Variants in CORO2B observed in about 807,000 individuals in gnomAD.
The protein encoded by CORO2B is coronin-2B.
A neutral mutation model predicts 58.8 loss-of-function variants in CORO2B; 26 were observed. The ratio of observed to expected loss-of-function variants is 0.44; its 90% CI spans 0.32 to 0.61. CORO2B has a LOEUF of 0.61. Ranked by LOEUF, CORO2B falls within the 20% of genes least tolerant of loss-of-function variation. The pLI, the probability that CORO2B is intolerant of heterozygous loss-of-function variation, is 0.04. For missense variants in CORO2B, 460 were observed against 645.1 expected, an observed-to-expected ratio of 0.71 and a Z score of 3.11; for synonymous variants, 242 against 253.8, an observed-to-expected ratio of 0.95 and a Z score of 0.44.
intron 1 of CORO2B, among the ~76,000 whole-genome samples, chr15:68,588,879 T>C (rs1899633721): frequency 6.6e-6 from 1 of 152,150 alleles, no homozygotes. Flanking sequence ...ATGCCTGCCC[T>C]GCTGACCTCC....
the CORO2B span, among the ~76,000 whole-genome samples, chr15:68,549,189 A>G: frequency 6.6e-6 from 1 of 152,206 alleles, no homozygotes; most frequent in Non-Finnish European, 1.5e-5. Context: ...ACCACTGTTC[A>G]TGTATTGGTA....
chr15:68,690,646 C>CTTTTT (rs765999578), intron 2 of CORO2B, among the ~76,000 whole-genome samples: 20 of 102,848 alleles, frequency 1.9e-4, no homozygotes, highest in Non-Finnish European at 2.6e-4. Context: ...CGTTAGCTTT[C>CTTTTT]TTTTTTTTTT....
the CORO2B span, among the ~76,000 whole-genome samples, chr15:68,545,613 G>GGT: frequency 3.4e-4 from 1 of 2,970 alleles, no homozygotes; most frequent in Non-Finnish European, 1.5e-3. Context: ...TGCGGGGGGC[G>GGT]GGGGGGGTAA....
intron 1 of CORO2B, among the ~76,000 whole-genome samples, chr15:68,632,930 C>T (rs990268505): frequency 3.9e-5 from 6 of 152,208 alleles, no homozygotes; most frequent in African/African-American, 9.6e-5. Context: ...AGGAAGGTTA[C>T]ACCTAGTAAA....
intron 2 of CORO2B, among the ~76,000 whole-genome samples, chr15:68,648,582 G>A (rs1017034339): frequency 3.3e-5 from 5 of 152,082 alleles, no homozygotes; most frequent in South Asian, 2.1e-4. Context: ...CCCAGGAGGT[G>A]GAGCTTGCAG....
intron 1 of CORO2B, among the ~76,000 whole-genome samples, chr15:68,583,729 T>C (rs532933522): frequency 8.5e-5 from 13 of 152,304 alleles, no homozygotes; most frequent in Non-Finnish European, 1.5e-4. Flanking sequence ...ACCCAGGAGA[T>C]ACCTGAACCT....
chr15:68,525,767 TATTAA>T, the CORO2B span, among the ~76,000 whole-genome samples: 2 of 152,248 alleles, frequency 1.3e-5, no homozygotes, highest in East Asian at 3.8e-4. Context: ...TTATTTACTT[TATTAA>T]ATTATAACGT....
chr15:68,570,007 C>T, the CORO2B span, among the ~76,000 whole-genome samples: 19 of 152,180 alleles, frequency 1.2e-4, no homozygotes, highest in Admixed American at 2.6e-4. Flanking sequence ...GGAAAGTTCT[C>T]ACCTGCAGAG....
intron 1 of CORO2B, among the ~76,000 whole-genome samples, chr15:68,604,945 G>C (rs1475446742): frequency 6.6e-6 from 1 of 151,842 alleles, no homozygotes; most frequent in Non-Finnish European, 1.5e-5. Flanking sequence ...GAAACCCTGT[G>C]TCTACTAAAA....
chr15:68,718,663 G>A lies in CORO2B; in HGVS notation c.968-35G>A, dbSNP rs747169356. ...GTGATGTCACTGAGACGCAGTTTCT[G>A]GGACCCCATGGAGCCACATGTGTGC... On this transcript the variant is annotated intron_variant, in intron 8 of 11. Transcript: ENST00000261861. The A allele has an allele frequency of 3.2e-6, 5 of 1,552,844 alleles. No individual in the cohort carries two copies. In the Admixed American group the frequency reaches 8.4e-5, roughly 26 times the overall value.
chr15:68,674,858 A>G (rs1902524190), intron 2 of CORO2B, among the ~76,000 whole-genome samples: 1 of 152,162 alleles, frequency 6.6e-6, no homozygotes, highest in Non-Finnish European at 1.5e-5. Context: ...CTTATTCAGA[A>G]TGAGTCCACA....
At chr15:68,566,451 G>T in the CORO2B span, among the ~76,000 whole-genome samples, 1 of 152,124 alleles carries the variant, frequency 6.6e-6, no homozygotes, top group African/African-American at 2.4e-5. Flanking sequence ...ACTTAAAATC[G>T]GGTCTCTGAG....
chr15:68,538,444 C>T, the CORO2B span, among the ~76,000 whole-genome samples: 23 of 152,346 alleles, frequency 1.5e-4, no homozygotes, highest in South Asian at 4.1e-4. Flanking sequence ...GCCTCAGCTG[C>T]GGAGGGGCTG....
intron 2 of CORO2B, among the ~76,000 whole-genome samples, chr15:68,661,397 T>C (rs934498991): frequency 5.3e-5 from 8 of 152,200 alleles, no homozygotes; most frequent in African/African-American, 1.9e-4. Flanking sequence ...AGAGATATTG[T>C]CCAATATCAA....
intron 1 of CORO2B, among the ~76,000 whole-genome samples, chr15:68,642,690 C>T (rs1901293410): frequency 6.6e-6 from 1 of 152,102 alleles, no homozygotes; most frequent in South Asian, 2.1e-4. Flanking sequence ...AGCAGTGCCC[C>T]ACCCCCAGGA....
chr15:68,648,824 T>C (rs1901541637), intron 2 of CORO2B, among the ~76,000 whole-genome samples: 3 of 152,344 alleles, frequency 2.0e-5, no homozygotes, highest in Admixed American at 2.0e-4. Flanking sequence ...AAATACACTC[T>C]TCGTAAGACG....
At chr15:68,685,877 C>G (rs1052557763) in intron 2 of CORO2B, among the ~76,000 whole-genome samples, 2 of 152,120 alleles carry the variant, frequency 1.3e-5, no homozygotes, top group Admixed American at 6.5e-5. Flanking sequence ...CCAAGTTTGG[C>G]AAGCTCTAGG....
At chr15:68,594,825 A>G (rs1221321296) in intron 1 of CORO2B, among the ~76,000 whole-genome samples, 2 of 152,216 alleles carry the variant, frequency 1.3e-5, no homozygotes, top group Non-Finnish European at 2.9e-5. Flanking sequence ...AGTCCCAGGA[A>G]AGCTTTTCAG....
intron 1 of CORO2B, among the ~76,000 whole-genome samples, chr15:68,599,985 G>GTCCCTGCT (rs1270015652): frequency 7.9e-5 from 12 of 152,166 alleles, no homozygotes; most frequent in Non-Finnish European, 1.0e-4. Flanking sequence ...TGCTGCTGCT[G>GTCCCTGCT]TCCCTGCTGC....
Sources: allele counts gnomAD v4.1 joint callset (sites outside exome capture counted in the v4.1 genomes callset), GRCh38; gene constraint gnomAD v4.1.1; transcripts MANE v1.5; gene names NCBI Gene and HGNC (gene_info 2026-07-23, HGNC 2026-07-21).